The following KPNA7 variants were observed in gnomAD, a reference collection of about 807,000 sequenced individuals.
KPNA7 encodes the protein karyopherin subunit alpha 7, also known as importin subunit alpha-8.
In KPNA7, 54 loss-of-function variants were observed where a neutral mutation model predicts 53.7. The ratio of observed to expected loss-of-function variants is 1.01; its 90% CI spans 0.81 to 1.26. KPNA7 has a LOEUF of 1.26. Ranked by LOEUF, KPNA7 falls within the 50% of genes most tolerant of loss-of-function variation. The pLI, the probability that KPNA7 is intolerant of heterozygous loss-of-function variation, is 0.00. For synonymous variants in KPNA7, 276 were observed against 259.3 expected, an observed-to-expected ratio of 1.06 and a Z score of -0.62; for missense variants, 640 against 644.5, an observed-to-expected ratio of 0.99 and a Z score of 0.07.
intron 6 of KPNA7, among the ~76,000 whole-genome samples, chr7:99,192,267 G>A (rs1240793337): frequency 6.6e-6 from 1 of 152,166 alleles, no homozygotes; most frequent in African/African-American, 2.4e-5. Context: ...TGTGACCCTA[G>A]AATGGAGATT....
chr7:99,209,120 C>T (rs1413987024), upstream of KPNA7, among the ~76,000 whole-genome samples: 3 of 151,972 alleles, frequency 2.0e-5, no homozygotes, highest in Admixed American at 6.6e-5. Context: ...CCACTGTACT[C>T]GAGCCTGGGC....
rs374148812 is a variant in KPNA7 at position 99,181,833 on chromosome 7, A to T, written c.1317+50T>A. On this transcript the variant is annotated intron_variant, in intron 9 of 10. Coordinates refer to ENST00000327442, the MANE Select transcript of KPNA7 (RefSeq NM_001145715.3). ...TTTAAGAGCCACATTAAATGCTTGT[A>T]TCCAGTTGGAGACAGCTATTTACAA... 4 of 1,388,744 alleles carry T rather than the reference A, an allele frequency of 2.9e-6. No homozygotes were observed. The African/African-American group carries it at 4.4e-5, about 15-fold the overall frequency. The allele number at this position is 1,388,744 out of a possible 1,614,324, so 86.0% of individuals were successfully genotyped here.
chr7:99,148,877 G>T, the KPNA7 span, among the ~76,000 whole-genome samples: 2 of 144,972 alleles, frequency 1.4e-5, no homozygotes, highest in African/African-American at 2.5e-5. Flanking sequence ...ATGAGCCACC[G>T]CACTCAGCCC....
the KPNA7 span, among the ~76,000 whole-genome samples, chr7:99,146,727 A>C: frequency 5.4e-5 from 7 of 130,076 alleles, no homozygotes; most frequent in African/African-American, 2.2e-4. Flanking sequence ...AAAAAAAAAA[A>C]AAAAAAAAAA....
At chr7:99,163,381 A>ATTT in the KPNA7 span, among the ~76,000 whole-genome samples, 437 of 58,758 alleles carry the variant, frequency 7.4e-3, 13 homozygotes, top group Middle Eastern at 0.013. Context: ...ATATATATAT[A>ATTT]TATTTTTTTT....
At chr7:99,201,755 T>C (rs1336655218) in intron 3 of KPNA7, among the ~76,000 whole-genome samples, 2 of 151,662 alleles carry the variant, frequency 1.3e-5, no homozygotes, top group Non-Finnish European at 2.9e-5. Context: ...CACCCATGGG[T>C]TGAAGTGCAG....
intron 1 of KPNA7, among the ~76,000 whole-genome samples, chr7:99,214,161 G>A (rs904943510): frequency 1.3e-5 from 2 of 151,980 alleles, no homozygotes; most frequent in Admixed American, 1.3e-4. Flanking sequence ...CCAGTGCAGT[G>A]GCTCACACCT....
intron 9 of KPNA7, among the ~76,000 whole-genome samples, chr7:99,181,304 C>T (rs1240174164): frequency 6.6e-6 from 1 of 152,112 alleles, no homozygotes; most frequent in Non-Finnish European, 1.5e-5. Flanking sequence ...GCCCCTTTAT[C>T]CGATTTACTT....
chr7:99,196,247 G>T, intron 3 of KPNA7, 81 bp from the exon 4 acceptor site: 1 of 969,794 alleles, frequency 1.0e-6, no homozygotes, highest in Non-Finnish European at 1.6e-6. Context: ...TCATCCATCT[G>T]ATTAAAACAG....
At chr7:99,178,403 T>C (rs577110554) in intron 9 of KPNA7, among the ~76,000 whole-genome samples, 32 of 152,144 alleles carry the variant, frequency 2.1e-4, no homozygotes, top group African/African-American at 7.7e-4. Context: ...ACCTCGTCTC[T>C]ACTAAAAATA....
the KPNA7 span, among the ~76,000 whole-genome samples, chr7:99,159,654 C>T: frequency 6.6e-6 from 1 of 152,164 alleles, no homozygotes. Context: ...TATGATCATT[C>T]CGATTTCTCT....
At chr7:99,194,734 G>C (rs754762755) in intron 5 of KPNA7, among the ~76,000 whole-genome samples, 26 of 152,122 alleles carry the variant, frequency 1.7e-4, no homozygotes, top group Non-Finnish European at 3.1e-4. Flanking sequence ...CTCCCGAGTA[G>C]CTGGGACTAC....
rs1789756655 is a variant in KPNA7 at position 99,188,500 on chromosome 7, G to C, written c.700C>G (p.Pro234Ala). The C allele has an allele frequency of 6.4e-7, 1 of 1,551,542 alleles. No homozygotes were observed. The highest frequency in any genetic ancestry group is 8.7e-7 in the Non-Finnish European group (1 of 1,147,004). The stretch of plus-strand genomic sequence containing the variant: ...ATCTGCTTCACCGCAGTGTCGCAAG[G>C]GTATGGGTTCTTGTTTCGGCACAGA... Reference protein sequence around the residue: ...SNLCRNKNPYPCDTAVKQILP... With the variant: ...SNLCRNKNPYACDTAVKQILP... The change falls in exon 7 of 11, where the codon CCT becomes GCT. Residue 234 changes from proline to alanine, a missense_variant. Physicochemically the swap from Pro to Ala is conservative, Grantham distance 27 (BLOSUM62 -1). Coordinates refer to ENST00000327442, the MANE Select transcript of KPNA7 (RefSeq NM_001145715.3).
At chr7:99,178,254 A>G (rs1798995682) in intron 9 of KPNA7, among the ~76,000 whole-genome samples, 188 bp from the exon 10 acceptor site, 1 of 152,128 alleles carries the variant, frequency 6.6e-6, no homozygotes, top group Non-Finnish European at 1.5e-5. Context: ...CACTTTAGGT[A>G]TCCACGATAT....
intron 10 of KPNA7, among the ~76,000 whole-genome samples, chr7:99,176,892 A>AG (rs961123461): frequency 1.3e-5 from 2 of 152,132 alleles, no homozygotes; most frequent in African/African-American, 4.8e-5. Flanking sequence ...ACAAACAAAA[A>AG]AAAATTGGAA....
the KPNA7 span, among the ~76,000 whole-genome samples, chr7:99,167,441 C>T: frequency 6.6e-6 from 1 of 151,982 alleles, no homozygotes. Flanking sequence ...GTGAACTGTA[C>T]ATGCAAGGGA....
intron 9 of KPNA7, among the ~76,000 whole-genome samples, chr7:99,179,680 G>A (rs1799077267): frequency 6.6e-6 from 1 of 151,862 alleles, no homozygotes; most frequent in African/African-American, 2.4e-5. Flanking sequence ...CACCACCCAG[G>A]TTCAAGTGAT....
At chr7:99,162,623 T>C in the KPNA7 span, among the ~76,000 whole-genome samples, 2 of 152,156 alleles carry the variant, frequency 1.3e-5, no homozygotes, top group African/African-American at 4.8e-5. Flanking sequence ...ATCTTCAAAC[T>C]ACAAAGGCTG....
At chr7:99,160,027 T>TG in the KPNA7 span, among the ~76,000 whole-genome samples, 186 of 50,842 alleles carry the variant, frequency 3.7e-3, 9 homozygotes, top group East Asian at 0.068. Flanking sequence ...GTTTTTTTTT[T>TG]TTTTTTTTTT....
Sources: allele counts gnomAD v4.1 joint callset (sites outside exome capture counted in the v4.1 genomes callset), GRCh38; gene constraint gnomAD v4.1.1; transcripts MANE v1.5; gene names NCBI Gene and HGNC (gene_info 2026-07-23, HGNC 2026-07-21).